The following SLC10A2 variants were observed in gnomAD, a reference collection of about 807,000 sequenced individuals.
SLC10A2 encodes solute carrier family 10 member 2.
A neutral mutation model predicts 27.1 loss-of-function variants in SLC10A2; 34 were observed. The ratio of observed to expected loss-of-function variants is 1.26; its 90% confidence interval spans 0.96 to 1.67. The LOEUF is 1.67. SLC10A2 is among the 40% of genes most tolerant of loss of function. The probability of loss-of-function intolerance (pLI) is 0.00; values close to 1 mark genes in which losing one functional copy is unlikely to be tolerated. For missense variants in SLC10A2, 530 were observed against 444.4 expected, an observed-to-expected ratio of 1.19 and a Z score of -1.73; for synonymous variants, 205 against 174.0, an observed-to-expected ratio of 1.18 and a Z score of -1.40.
intron 2 of SLC10A2, among the ~76,000 whole-genome samples, chr13:103,054,855 C>T (rs1454289467): frequency 6.6e-6 from 1 of 152,098 alleles, no homozygotes; most frequent in South Asian, 2.1e-4. Context: ...TTTCTTTCCC[C>T]ATGCTCTGTT....
At chr13:103,051,490 T>C (rs569124348) in intron 3 of SLC10A2, 58 bp from the exon 4 acceptor site, 23 of 1,581,872 alleles carry the variant, frequency 1.5e-5, no homozygotes, top group Non-Finnish European at 1.8e-5. Flanking sequence ...AATCCAAGTA[T>C]GTTTGTCAGA....
At chr13:103,050,098 A>G (rs1875730942) in intron 4 of SLC10A2, among the ~76,000 whole-genome samples, 1 of 152,192 alleles carries the variant, frequency 6.6e-6, no homozygotes, top group Non-Finnish European at 1.5e-5. Context: ...TCAGTGAGCT[A>G]TGATTGTGCC....
rs951228266 is a variant in SLC10A2, at chr13:103,046,057, T to C, written c.*76A>G. The C allele has an allele frequency of 5.1e-6, 8 of 1,558,672 alleles. No homozygotes were observed. The highest frequency in any genetic ancestry group is 1.4e-5 in the African/African-American group (1 of 73,632). ...TTTAACTCTTTTCTGCCAACTGTCCTACCAAAACAAATAATTAAATATAGT... is the reference window on the plus strand; with the variant it reads ...TTTAACTCTTTTCTGCCAACTGTCCCACCAAAACAAATAATTAAATATAGT... On this transcript the variant is annotated 3_prime_UTR_variant, in exon 6 of 6. Transcript: ENST00000245312.
intron 2 of SLC10A2, among the ~76,000 whole-genome samples, chr13:103,057,489 C>A (rs900156615): frequency 6.6e-6 from 1 of 152,140 alleles, no homozygotes; most frequent in Admixed American, 6.5e-5. Context: ...GGCTCACAGT[C>A]GAGTGTTAGA....
intron 2 of SLC10A2, 60 bp downstream of exon 2, chr13:103,058,204 C>G (rs1875995864): frequency 2.0e-6 from 2 of 991,324 alleles, no homozygotes; most frequent in African/African-American, 1.6e-5. Flanking sequence ...GAGAGCCTAG[C>G]AGGGGGTAAG....
At chr13:103,063,584 C>T (rs559139334) in intron 1 of SLC10A2, among the ~76,000 whole-genome samples, 42 of 152,236 alleles carry the variant, frequency 2.8e-4, no homozygotes, top group East Asian at 2.1e-3. Context: ...AAAACTGTTA[C>T]GCAATAGCTC....
intron 4 of SLC10A2, 48 bp from the exon 5 acceptor site, chr13:103,049,494 T>C: frequency 6.3e-7 from 1 of 1,592,780 alleles, no homozygotes; most frequent in South Asian, 1.1e-5. Flanking sequence ...TTTGTTATTG[T>C]GAAACATGAA....
In SLC10A2 at chr13:103,044,638, G is replaced by A. The variant is rs533119703; in HGVS notation, c.*1495C>T. 1.3e-5 allele frequency: 2 copies of A among 152,170 alleles called. No individual in the cohort carries two copies. The highest frequency in any genetic ancestry group is 3.2e-3 in the Middle Eastern group (1 of 316). The allele number at this position is 152,170 out of a possible 1,614,324, so 9.4% of individuals were successfully genotyped here. ...ACTGGAAGAGCTAAGTTGAGTTCCT[G>A]TTCCCATAATGCTTGGGTGCACCAG... is the stretch of plus-strand genomic sequence containing the variant. On this transcript the variant is annotated 3_prime_UTR_variant, in exon 6 of 6. Transcript: ENST00000245312.
intron 1 of SLC10A2, among the ~76,000 whole-genome samples, chr13:103,059,219 C>T (rs1420887262): frequency 1.3e-5 from 2 of 152,142 alleles, no homozygotes; most frequent in Non-Finnish European, 2.9e-5. Context: ...TGATGTTGAA[C>T]TTTTTTTCAT....
chr13:103,064,071 G>C (rs541528211), intron 1 of SLC10A2, among the ~76,000 whole-genome samples: 74 of 152,288 alleles, frequency 4.9e-4, no homozygotes, highest in African/African-American at 1.8e-3. Flanking sequence ...GCATTTATGA[G>C]ATTAAGTGAA....
chr13:103,047,740 T>C (rs967994396), intron 5 of SLC10A2, among the ~76,000 whole-genome samples: 5 of 152,160 alleles, frequency 3.3e-5, no homozygotes, highest in Non-Finnish European at 7.3e-5. Flanking sequence ...TCCCTTTTCC[T>C]CATTCCTTCA....
chr13:103,049,900 G>A (rs535477705), intron 4 of SLC10A2, among the ~76,000 whole-genome samples: 8 of 152,266 alleles, frequency 5.3e-5, no homozygotes, highest in South Asian at 2.1e-4. Flanking sequence ...CAGCACTTTG[G>A]GAGGCTGAAG....
rs762745143 is a variant in SLC10A2, at chr13:103,065,880, C to G, written c.370G>C (p.Asp124His). 3.1e-6 allele frequency: 5 copies of G among 1,613,950 alleles called. No homozygotes were observed. The Admixed American group carries it at 5.0e-5, about 16-fold the overall frequency. Residue 124 changes from aspartate (D) to histidine (H), a missense_variant, in exon 1 of 6, where the codon GAC becomes CAC. Transcript: ENST00000245312. Reference sequence around the variant, plus strand: ...AGGTATAGATAATCTTACCTCAGGTCCATGTCGCCATCGACCCAATAGGCC... The same window carrying G: ...AGGTATAGATAATCTTACCTCAGGTGCATGTCGCCATCGACCCAATAGGCC... ...ILAYWVDGDM[D>H]LSVSMTTCST...
intron 4 of SLC10A2, among the ~76,000 whole-genome samples, chr13:103,050,450 G>A (rs937354586): frequency 3.3e-5 from 5 of 152,086 alleles, no homozygotes; most frequent in East Asian, 1.9e-4. Flanking sequence ...GTTTTTGCCC[G>A]GTACCAAATC....
At chr13:103,048,930 A>T (rs191816401) in intron 5 of SLC10A2, among the ~76,000 whole-genome samples, 3 of 152,240 alleles carry the variant, frequency 2.0e-5, no homozygotes, top group Non-Finnish European at 2.9e-5. Context: ...AAGCATATCA[A>T]GACAATGTTT....
chr13:103,060,472 C>T (rs1204297679), intron 1 of SLC10A2, among the ~76,000 whole-genome samples: 1 of 150,568 alleles, frequency 6.6e-6, no homozygotes, highest in East Asian at 2.0e-4. Context: ...GAAGCCTGGG[C>T]TCAAGTGATC....
In SLC10A2 at chr13:103,052,612, A is replaced by G; in HGVS notation, c.585+8T>C. The G allele has an allele frequency of 6.4e-7, 1 of 1,562,954 alleles. No individual in the cohort carries two copies. The highest frequency in any genetic ancestry group is 1.1e-5 in the South Asian group (1 of 89,992). ...GGAATATTTAATGGTGTGAACTGGG[A>G]TACTTACTTTAAGTATGATCTTTGC... On this transcript the variant is annotated splice_region_variant and intron_variant, in intron 3 of 5. Transcript: ENST00000245312.
At chr13:103,062,468 G>C (rs1876151895) in intron 1 of SLC10A2, among the ~76,000 whole-genome samples, 1 of 152,212 alleles carries the variant, frequency 6.6e-6, no homozygotes, top group Non-Finnish European at 1.5e-5. Context: ...CACTGTGCAT[G>C]GCATATACTA....
At position 103,046,142 on chromosome 13, in the gene SLC10A2, G is replaced by T. The variant is rs147498129; in HGVS notation, c.1038C>A (p.Asp346Glu). ...FYKANGGFQP[D>E]EK ...TTTGTCCACTTGATGTCTACTTTTCGTCAGGTTGAAATCCTCCATTTGCCT... is the reference window on the plus strand; with the variant it reads ...TTTGTCCACTTGATGTCTACTTTTCTTCAGGTTGAAATCCTCCATTTGCCT... The change falls in exon 6 of 6, where the codon GAC (aspartate) becomes GAA (glutamate). Residue 346 changes from aspartate (D) to glutamate (E), a missense_variant. Transcript: ENST00000245312. 1.2e-6 allele frequency: 2 copies of T among 1,613,634 alleles called. No individual in the cohort carries two copies. Among genetic ancestry groups the T allele is most frequent in the African/African-American group, 1.3e-5 (1 of 74,940 alleles).
Sources: gnomAD v4.1 joint callset for allele counts (sites outside exome capture counted in the v4.1 genomes callset) on GRCh38, gnomAD v4.1.1 for gene constraint, MANE v1.5 for transcripts, NCBI Gene and HGNC (gene_info 2026-07-23, HGNC 2026-07-21) for gene names.